Variants in ABI3BP observed in about 807,000 individuals in gnomAD.
ABI3BP encodes target of Nesh-SH3.
ABI3BP carries 216 observed loss-of-function variants against 268.6 expected under a neutral mutation model. That is an observed-to-expected ratio of 0.80 (90% confidence interval 0.72 to 0.90). ABI3BP has a LOEUF of 0.90. ABI3BP is among the 40% of genes least tolerant of loss of function. The pLI is 0.00. For synonymous variants in ABI3BP, 730 were observed against 730.0 expected, an observed-to-expected ratio of 1.00 and a Z score of 0.00; for missense variants, 2,090 against 2,182.4, an observed-to-expected ratio of 0.96 and a Z score of 0.84.
intron 49 of ABI3BP, among the ~76,000 whole-genome samples, chr3:100,809,259 AT>A (rs1454550952): frequency 1.3e-5 from 2 of 151,968 alleles, no homozygotes; most frequent in Non-Finnish European, 2.9e-5. Flanking sequence ...AAGTTACACA[AT>A]TTTAAAGAAC....
Position 100,770,860 on chromosome 3 carries a change from CCT to C in ABI3BP, c.4622_4623del (p.Glu1541GlyfsTer36), listed in dbSNP as rs758252639. 6.2e-7 allele frequency: 1 copy of C among 1,604,218 alleles called. No individual in the cohort carries two copies. Among genetic ancestry groups the C allele is most frequent in the Non-Finnish European group, 8.5e-7 (1 of 1,175,254 alleles). On this transcript the variant is annotated frameshift_variant, in exon 62 of 68. Coordinates refer to ENST00000471714, the MANE Select transcript of ABI3BP (RefSeq NM_001375547.2). LOFTEE classifies it high-confidence loss of function. ...VKRFPKEEATEGNATSPPQNP... is the reference protein window; with the variant it reads ...VKRFPKEEATXGNATSPPQNP... ...TTCTGTGGTGGGCTGGTGGCATTCC[CCT>C]CTGTGGCCTCCTCTTTGGGGAACCG... is the stretch of plus-strand genomic sequence containing the variant.
At position 100,780,195 on chromosome 3, in the gene ABI3BP, G is replaced by T. The variant is rs758027921; in HGVS notation, c.4177C>A (p.Pro1393Thr). 6.2e-7 allele frequency: 1 copy of T among 1,612,798 alleles called. No individual in the cohort carries two copies. Among genetic ancestry groups the T allele is most frequent in the Non-Finnish European group, 8.5e-7 (1 of 1,179,114 alleles). ...NGVGTGVKQA[P>T]RPSGADRNVS... The stretch of plus-strand genomic sequence containing the variant: ...TTTCTATCAGCACCTGATGGCCTGG[G>T]TGCTTGCTTGACCCCTATGAGCAGA... The change falls in exon 58 of 68, where the codon CCC becomes ACC. Residue 1393 changes from proline (P) to threonine (T), a missense_variant. By Grantham distance (38) the Pro-to-Thr change is conservative. Coordinates refer to ENST00000471714, the MANE Select transcript of ABI3BP (RefSeq NM_001375547.2).
At chr3:100,971,741 G>A (rs1025995529) in intron 1 of ABI3BP, among the ~76,000 whole-genome samples, 2 of 152,188 alleles carry the variant, frequency 1.3e-5, no homozygotes, top group African/African-American at 4.8e-5. Context: ...TTTATATGTG[G>A]TGGGTGTTTA....
chr3:100,888,701 G>GA (rs1188986791), intron 4 of ABI3BP, among the ~76,000 whole-genome samples: 1 of 152,040 alleles, frequency 6.6e-6, no homozygotes, highest in Non-Finnish European at 1.5e-5. Flanking sequence ...AGTTTTTCAG[G>GA]AAAATAAAGG....
intron 1 of ABI3BP, among the ~76,000 whole-genome samples, chr3:100,938,225 A>T (rs2067155794): frequency 1.3e-5 from 2 of 151,898 alleles, no homozygotes; most frequent in Admixed American, 6.6e-5. Flanking sequence ...TGACAAATTA[A>T]TCTGTACAAC....
intron 17 of ABI3BP, among the ~76,000 whole-genome samples, chr3:100,849,487 G>A (rs1370313681): frequency 6.6e-6 from 1 of 152,134 alleles, no homozygotes; most frequent in Non-Finnish European, 1.5e-5. Context: ...GCCTCCCAAA[G>A]TGCCGGGATT....
intron 1 of ABI3BP, among the ~76,000 whole-genome samples, chr3:100,942,790 G>A (rs549098462): frequency 1.2e-4 from 18 of 152,114 alleles, no homozygotes; most frequent in East Asian, 3.9e-4. Flanking sequence ...TCTGTATTTC[G>A]ACAAGCTGTA....
intron 60 of ABI3BP, among the ~76,000 whole-genome samples, 174 bp downstream of exon 60, chr3:100,775,033 T>G (rs2096661018): frequency 6.6e-6 from 1 of 152,090 alleles, no homozygotes; most frequent in South Asian, 2.1e-4. Flanking sequence ...AGGATAATAC[T>G]CTATAAGGGA....
chr3:100,871,030 G>C (rs1281065403), intron 9 of ABI3BP, among the ~76,000 whole-genome samples: 3 of 152,196 alleles, frequency 2.0e-5, no homozygotes, highest in African/African-American at 4.8e-5. Flanking sequence ...ATGGGATGGA[G>C]AGGGGGAAAC....
chr3:100,907,017 T>C (rs2053724704), intron 2 of ABI3BP, among the ~76,000 whole-genome samples: 1 of 152,232 alleles, frequency 6.6e-6, no homozygotes, highest in Non-Finnish European at 1.5e-5. Flanking sequence ...AGGCCCTTGC[T>C]ATGTTTAACA....
At chr3:100,830,496 G>A (rs1259162943) in intron 32 of ABI3BP, 82 bp downstream of exon 32, 4 of 1,183,624 alleles carry the variant, frequency 3.4e-6, no homozygotes, top group Non-Finnish European at 4.8e-6. Flanking sequence ...TGTGAAGCGG[G>A]AGAAGCTGTG....
chr3:100,773,466 G>A (rs2096610517), intron 61 of ABI3BP, among the ~76,000 whole-genome samples: 1 of 152,300 alleles, frequency 6.6e-6, no homozygotes, highest in Non-Finnish European at 1.5e-5. Flanking sequence ...ACAAATGTTG[G>A]TGAGGATTTG....
chr3:100,830,775 T>C (rs539950813), intron 31 of ABI3BP, 141 bp from the exon 32 acceptor site: 2 of 643,248 alleles, frequency 3.1e-6, no homozygotes, highest in East Asian at 2.8e-5. Context: ...AGTGGCTGTA[T>C]TTTTTTCCTT....
At chr3:100,888,350 G>T (rs1434729766) in intron 4 of ABI3BP, among the ~76,000 whole-genome samples, 1 of 152,100 alleles carries the variant, frequency 6.6e-6, no homozygotes, top group African/African-American at 2.4e-5. Flanking sequence ...TACGCTGCAT[G>T]AAATTTTTAT....
chr3:100,780,037 T>G (rs2096823989), intron 58 of ABI3BP, 95 bp downstream of exon 58: 5 of 1,091,156 alleles, frequency 4.6e-6, no homozygotes, highest in Non-Finnish European at 5.6e-6. Flanking sequence ...GGGGGCTGTG[T>G]GGATGTTGCT....
chr3:100,806,333 C>T (rs529854242), intron 50 of ABI3BP, among the ~76,000 whole-genome samples: 5 of 152,170 alleles, frequency 3.3e-5, no homozygotes, highest in African/African-American at 1.2e-4. Flanking sequence ...ATAAACAGGA[C>T]ACTCTCCTGT....
chr3:100,778,193 G>A, intron 59 of ABI3BP, 91 bp downstream of exon 59: 3 of 1,244,254 alleles, frequency 2.4e-6, no homozygotes, highest in Non-Finnish European at 3.5e-6. Flanking sequence ...CACATCAATA[G>A]TGTGCCTGTT....
chr3:100,918,040 GA>G (rs60505764), intron 2 of ABI3BP, among the ~76,000 whole-genome samples: 19 of 150,308 alleles, frequency 1.3e-4, no homozygotes, highest in East Asian at 1.2e-3. Context: ...CGCCTTGGAG[GA>G]AAAAAAAATC....
chr3:100,840,146 C>CT lies in ABI3BP; in HGVS notation c.1822dup (p.Arg608LysfsTer13). 1 of 1,532,336 alleles carries CT rather than the reference C, an allele frequency of 6.5e-7. No homozygotes were observed. The highest frequency in any genetic ancestry group is 8.7e-7 in the Non-Finnish European group (1 of 1,145,254). The allele number at this position is 1,532,336 out of a possible 1,614,324, so 94.9% of individuals were successfully genotyped here. A position where few individuals can be genotyped will look rare whatever the true frequency, so the allele number is the denominator to read the frequency against. On this transcript the variant is annotated frameshift_variant, in exon 23 of 68. Coordinates refer to ENST00000471714, the MANE Select transcript of ABI3BP (RefSeq NM_001375547.2). LOFTEE classifies it high-confidence loss of function. ...ACGGGGGCGGGGGCGACGACCTGGTCTTTTGGTCTTTCGTGGTGCTGAAGA... is the reference window on the plus strand; with the variant it reads ...ACGGGGGCGGGGGCGACGACCTGGTCTTTTTGGTCTTTCGTGGTGCTGAAGA...
Sources: gnomAD v4.1 joint callset for allele counts (sites outside exome capture counted in the v4.1 genomes callset) on GRCh38, gnomAD v4.1.1 for gene constraint, MANE v1.5 for transcripts, NCBI Gene and HGNC (gene_info 2026-07-23, HGNC 2026-07-21) for gene names.